Variants in SPIRE1 observed in about 807,000 individuals in gnomAD.
SPIRE1 encodes spire type actin nucleation factor 1.
Under a neutral mutation model 94.1 loss-of-function variants are expected in SPIRE1, and 40 were observed. The observed-to-expected ratio is 0.43, with a 90% CI of 0.33 to 0.55. The LOEUF is 0.55. SPIRE1 is among the 20% of genes least tolerant of loss of function. The probability of loss-of-function intolerance (pLI) is 0.06; values close to 1 mark genes in which losing one functional copy is unlikely to be tolerated. For missense variants in SPIRE1, 838 were observed against 975.2 expected, an observed-to-expected ratio of 0.86 and a Z score of 1.87; for synonymous variants, 376 against 371.7, an observed-to-expected ratio of 1.01 and a Z score of -0.13.
chr18:12,635,170 T>C (rs2037889519), intron 1 of SPIRE1, 74 bp from the exon 2 acceptor site: 4 of 799,824 alleles, frequency 5.0e-6, no homozygotes, highest in Non-Finnish European at 8.2e-6. Flanking sequence ...ATATTTGAGC[T>C]TCTCTGGCTA....
chr18:12,655,884 A>G (rs1180417129), intron 1 of SPIRE1, among the ~76,000 whole-genome samples: 1 of 152,004 alleles, frequency 6.6e-6, no homozygotes, highest in Non-Finnish European at 1.5e-5. Flanking sequence ...AAATAGCTAA[A>G]TCCCAAGGCA....
rs1303050297 is a variant in SPIRE1, at chr18:12,513,357, G to A, written c.730-826C>T. On this transcript the variant is annotated intron_variant, in intron 4 of 16. Coordinates refer to ENST00000409402, the MANE Select transcript of SPIRE1 (RefSeq NM_001128626.2). ...AACCCTAATATATTTACTTTTTGCT[G>A]AGCTATGTGCCTGCCTGCACTTAAA... Among the ~76,000 whole-genome samples, 3 of 151,998 alleles carry A rather than the reference G, an allele frequency of 2.0e-5. No homozygotes were observed. In the East Asian group the frequency reaches 5.8e-4, roughly 29 times the overall value.
chr18:12,550,809 C>T (rs2035327851), intron 2 of SPIRE1, among the ~76,000 whole-genome samples: 1 of 152,194 alleles, frequency 6.6e-6, no homozygotes, highest in South Asian at 2.1e-4. Context: ...TAAATGACTG[C>T]TTAATAGCAT....
At chr18:12,542,017 C>A (rs1227603442) in intron 3 of SPIRE1, among the ~76,000 whole-genome samples, 1 of 151,550 alleles carries the variant, frequency 6.6e-6, no homozygotes, top group Admixed American at 6.6e-5. Context: ...CGCTCTGCTG[C>A]CCAGGCTGGA....
chr18:12,638,785 G>T (rs2038005489), intron 1 of SPIRE1, among the ~76,000 whole-genome samples: 1 of 152,054 alleles, frequency 6.6e-6, no homozygotes, highest in Non-Finnish European at 1.5e-5. Flanking sequence ...AGATCTGGTT[G>T]TTTCAGTCTG....
chr18:12,529,930 T>C (rs879483947), intron 4 of SPIRE1, among the ~76,000 whole-genome samples: 10 of 152,220 alleles, frequency 6.6e-5, no homozygotes, highest in African/African-American at 2.2e-4. Flanking sequence ...TATTACGAAT[T>C]TATTCTGTAC....
chr18:12,506,517 T>G lies in SPIRE1; in HGVS notation c.932A>C (p.Asp311Ala), dbSNP rs1374333950. The change falls in exon 6 of 17, where the codon GAT becomes GCT. Residue 311 changes from aspartate to alanine, a missense_variant. Asp to Ala is a moderately radical substitution (Grantham distance 126). Coordinates refer to ENST00000409402, the MANE Select transcript of SPIRE1 (RefSeq NM_001128626.2). The stretch of plus-strand genomic sequence containing the variant: ...GGTGTATCTTTTGCAGCGAATGTCA[T>G]CCATTAACATCTCATAAGGGGTGAG... ...YQLTPYEMLM[D>A]DIRCKRYTLR... is the part of the protein sequence containing the mutation. 6.2e-6 allele frequency: 10 copies of G among 1,614,028 alleles called. No individual in the cohort carries two copies. The highest frequency in any genetic ancestry group is 8.5e-6 in the Non-Finnish European group (10 of 1,179,968).
At chr18:12,519,926 A>G (rs976205949) in intron 4 of SPIRE1, among the ~76,000 whole-genome samples, 1 of 152,212 alleles carries the variant, frequency 6.6e-6, no homozygotes, top group Admixed American at 6.5e-5. Flanking sequence ...CAGCAAGTCT[A>G]CTTCTAGGAA....
Position 12,559,269 on chromosome 18 carries a change from C to T in SPIRE1, c.373-12365G>A, listed in dbSNP as rs2035615694. The stretch of plus-strand genomic sequence containing the variant: ...AGCTGAGGCCTAGTGAGAATTCGAG[C>T]ACAGTGCAGGCGGGCCAGCAGTGCT... On this transcript the variant is annotated intron_variant, in intron 2 of 16. Coordinates refer to ENST00000409402, the MANE Select transcript of SPIRE1 (RefSeq NM_001128626.2). This position sits in a 1 kb window ranked among gnomAD's most constrained non-coding sequence, Gnocchi z 4.7. Among the ~76,000 whole-genome samples the T allele has an allele frequency of 6.6e-6, 1 of 152,150 alleles. No individual in the cohort carries two copies. Among genetic ancestry groups the T allele is most frequent in the African/African-American group, 2.4e-5 (1 of 41,446 alleles).
intron 1 of SPIRE1, among the ~76,000 whole-genome samples, chr18:12,649,359 T>C (rs1444476845): frequency 6.6e-6 from 1 of 151,900 alleles, no homozygotes; most frequent in Non-Finnish European, 1.5e-5. Flanking sequence ...CAGCGAGCTA[T>C]GATCATACTA....
chr18:12,506,756 C>G (rs17524778), intron 5 of SPIRE1, 115 bp from the exon 6 acceptor site: 29,051 of 1,032,984 alleles, frequency 0.028, 547 homozygotes, highest in Non-Finnish European at 0.032. Context: ...AGTAAACCAA[C>G]AAAAAACTAT....
chr18:12,562,850 A>T (rs1230891434), intron 2 of SPIRE1, among the ~76,000 whole-genome samples: 2 of 152,122 alleles, frequency 1.3e-5, no homozygotes, highest in African/African-American at 4.8e-5. Flanking sequence ...AACTTCTAAG[A>T]TTATAAAATA....
At chr18:12,606,785 C>A (rs571323587) in intron 2 of SPIRE1, among the ~76,000 whole-genome samples, 3 of 152,204 alleles carry the variant, frequency 2.0e-5, no homozygotes, top group Non-Finnish European at 4.4e-5. Flanking sequence ...CCCACCTCAG[C>A]CTCCCAATGT....
At chr18:12,518,671 AC>A (rs1168548624) in intron 4 of SPIRE1, among the ~76,000 whole-genome samples, 1 of 152,106 alleles carries the variant, frequency 6.6e-6, no homozygotes, top group East Asian at 1.9e-4. Context: ...AGCATAGGTG[AC>A]AGAGCCTGAC....
At chr18:12,539,840 T>C (rs1214957831) in intron 3 of SPIRE1, among the ~76,000 whole-genome samples, 7 of 150,094 alleles carry the variant, frequency 4.7e-5, no homozygotes, top group Admixed American at 6.6e-5. Flanking sequence ...GGCAGGAGAA[T>C]TGCTTGAACC....
intron 4 of SPIRE1, among the ~76,000 whole-genome samples, chr18:12,523,924 G>A (rs2034432019): frequency 6.6e-6 from 1 of 152,156 alleles, no homozygotes; most frequent in African/African-American, 2.4e-5. Flanking sequence ...CTCCTAGGAA[G>A]AAAGTATTTT....
At chr18:12,647,604 A>T (rs1288101223) in intron 1 of SPIRE1, among the ~76,000 whole-genome samples, 1 of 152,132 alleles carries the variant, frequency 6.6e-6, no homozygotes, top group Non-Finnish European at 1.5e-5. Flanking sequence ...TAACAAAAAA[A>T]TTAGCCAGGA....
At chr18:12,645,897 C>A (rs1255095921) in intron 1 of SPIRE1, among the ~76,000 whole-genome samples, 1 of 152,150 alleles carries the variant, frequency 6.6e-6, no homozygotes, top group Non-Finnish European at 1.5e-5. Context: ...CTCCCACACA[C>A]ATCCTCCGCT....
chr18:12,542,127 G>A (rs944838573), intron 3 of SPIRE1, among the ~76,000 whole-genome samples: 1 of 151,778 alleles, frequency 6.6e-6, no homozygotes, highest in Non-Finnish European at 1.5e-5. Flanking sequence ...CAGGCATGCA[G>A]CACCATGCCT....
Sources: gnomAD v4.1 joint callset for allele counts (sites outside exome capture counted in the v4.1 genomes callset) on GRCh38, gnomAD v4.1.1 for gene constraint, Gnocchi (gnomAD v3.1) non-coding constraint, MANE v1.5 for transcripts, NCBI Gene and HGNC (gene_info 2026-07-23, HGNC 2026-07-21) for gene names.